The following PCDHGA3 variants were observed in gnomAD, a reference collection of about 807,000 sequenced individuals.
The protein encoded by PCDHGA3 is protocadherin gamma-A3.
A neutral mutation model predicts 58.5 loss-of-function variants in PCDHGA3; 40 were observed. The observed-to-expected ratio is 0.68, with a 90% CI of 0.53 to 0.89. PCDHGA3 has a LOEUF of 0.89. Among genes scored for constraint, PCDHGA3 ranks in the 40% least tolerant of loss-of-function variants. PCDHGA3 has a pLI of 0.00. For missense variants in PCDHGA3, 1,223 were observed against 1,195.9 expected (o/e 1.02, Z -0.33); for synonymous variants, 530 against 525.7 (o/e 1.01, Z -0.11).
At chr5:141,458,201 TAGTTTAAAATA>T (rs1175017515) in intron 1 of PCDHGA3, among the ~76,000 whole-genome samples, 1 of 152,168 alleles carries the variant, frequency 6.6e-6, no homozygotes, top group Non-Finnish European at 1.5e-5. Context: ...AGGCCATAAA[TAGTTTAAAATA>T]AGTTTCCTTT....
In PCDHGA3 at chr5:141,399,918, C is replaced by T. The variant is rs1163309827; in HGVS notation, c.2424+53461C>T. On this transcript the variant is annotated intron_variant, in intron 1 of 3. Coordinates refer to ENST00000253812, the MANE Select transcript of PCDHGA3 (RefSeq NM_018916.4). ...CCGTGGACGCAGACTCAGGACACAA[C>T]GCCTGGCTGTCCTACCACGTGCTGC... The T allele has an allele frequency of 4.3e-6, 7 of 1,612,240 alleles. No individual in the cohort carries two copies. In the East Asian group the frequency reaches 8.9e-5, roughly 21 times the overall value.
intron 1 of PCDHGA3, chr5:141,389,516 G>A: frequency 6.2e-7 from 1 of 1,613,168 alleles, no homozygotes; most frequent in Non-Finnish European, 8.5e-7. Context: ...GCGCGAACGT[G>A]AGCCTGCGCG....
At chr5:141,402,037 G>A (rs749684542) in intron 1 of PCDHGA3, among the ~76,000 whole-genome samples, 24 of 152,118 alleles carry the variant, frequency 1.6e-4, no homozygotes, top group Non-Finnish European at 2.9e-4. Flanking sequence ...CACAGTCTGT[G>A]CATGCATTAC....
Position 141,476,144 on chromosome 5 carries a change from C to T in PCDHGA3, c.2425-18663C>T. ...GGTCCCAGAGGCCTGGAGGAGCGGA[C>T]TGGTAAGCACCGGGAGGGTAGTGGG... is the stretch of plus-strand genomic sequence containing the variant. On this transcript the variant is annotated intron_variant, in intron 1 of 3. Transcript: ENST00000253812. This position sits in a 1 kb window ranked among gnomAD's most constrained non-coding sequence, Gnocchi z 7.6. 6.2e-7 allele frequency: 1 copy of T among 1,610,510 alleles called. No individual in the cohort carries two copies. The highest frequency in any genetic ancestry group is 1.3e-5 in the African/African-American group (1 of 75,014).
chr5:141,418,372 A>T (rs771262387), intron 1 of PCDHGA3: 25 of 1,613,968 alleles, frequency 1.5e-5, no homozygotes, highest in Non-Finnish European at 2.1e-5. Flanking sequence ...GCAAATACCA[A>T]CTAAGTCCTA....
At chr5:141,421,841 AAG>A in intron 1 of PCDHGA3, 1 of 1,613,750 alleles carries the variant, frequency 6.2e-7, no homozygotes. Context: ...GACCGAGAGA[AAG>A]AGGCTGCTCA....
rs777566456 is a variant in PCDHGA3, at chr5:141,405,216, A to G, written c.2424+58759A>G. On this transcript the variant is annotated intron_variant, in intron 1 of 3. Coordinates refer to ENST00000253812, the MANE Select transcript of PCDHGA3 (RefSeq NM_018916.4). ...CGAGCTTTCCTACAGACCTATTCTCAGGAGTTCTCCCTCACCGCTGACTCA... is the reference window on the plus strand; with the variant it reads ...CGAGCTTTCCTACAGACCTATTCTCGGGAGTTCTCCCTCACCGCTGACTCA... 27 of 1,613,806 alleles carry G rather than the reference A, an allele frequency of 1.7e-5. No individual in the cohort carries two copies. In the Admixed American group the frequency reaches 2.7e-4, roughly 16 times the overall value.
chr5:141,368,807 G>A (rs1237062065), intron 1 of PCDHGA3, among the ~76,000 whole-genome samples: 1 of 152,082 alleles, frequency 6.6e-6, no homozygotes, highest in Admixed American at 6.5e-5. Context: ...ACTAATTGAA[G>A]TGTTCATACA....
intron 1 of PCDHGA3, chr5:141,362,328 C>A: frequency 6.2e-7 from 1 of 1,614,068 alleles, no homozygotes; most frequent in Non-Finnish European, 8.5e-7. Context: ...AGCCTGGTCT[C>A]AGCTCCAAGC....
intron 1 of PCDHGA3, chr5:141,427,206 G>C (rs1224325038): frequency 1.1e-5 from 5 of 456,606 alleles, no homozygotes; most frequent in Admixed American, 2.3e-5. Context: ...AATAGACTTC[G>C]AATTTCGTAG....
intron 1 of PCDHGA3, chr5:141,439,998 G>A (rs2098143949): frequency 6.5e-6 from 1 of 153,152 alleles, no homozygotes; most frequent in Non-Finnish European, 1.5e-5. Context: ...TTGGTGGTGG[G>A]AAACCTTGCC....
Position 141,431,067 on chromosome 5 carries a change from A to G in PCDHGA3, c.2425-63740A>G. The G allele has an allele frequency of 1.2e-6, 2 of 1,614,164 alleles. No homozygotes were observed. Among genetic ancestry groups the G allele is most frequent in the Non-Finnish European group, 1.7e-6 (2 of 1,179,976 alleles). Reference sequence around the variant, plus strand: ...CTCTGTATGGGGGCCATCAAGTGTCAATTAAATCTAGACATTCTGATGGAG... The same window carrying G: ...CTCTGTATGGGGGCCATCAAGTGTCGATTAAATCTAGACATTCTGATGGAG... On this transcript the variant is annotated intron_variant, in intron 1 of 3. Transcript: ENST00000253812. This position sits in a 1 kb window ranked among gnomAD's most constrained non-coding sequence, Gnocchi z 4.8.
chr5:141,392,542 A>C (rs2092551305), intron 1 of PCDHGA3: 1 of 323,320 alleles, frequency 3.1e-6, no homozygotes, highest in African/African-American at 2.1e-5. Flanking sequence ...ATTTAGAAGT[A>C]ATCTGTATCT....
intron 1 of PCDHGA3, chr5:141,421,949 C>T (rs749189262): frequency 6.2e-6 from 10 of 1,612,856 alleles, no homozygotes; most frequent in Non-Finnish European, 6.8e-6. Flanking sequence ...GATCACATCC[C>T]AATGTTTACA....
intron 1 of PCDHGA3, chr5:141,375,877 G>C (rs752155500): frequency 3.1e-6 from 5 of 1,613,794 alleles, no homozygotes; most frequent in South Asian, 1.1e-5. Flanking sequence ...ACAGAGACTC[G>C]GGCCAGAACG....
intron 1 of PCDHGA3, among the ~76,000 whole-genome samples, chr5:141,472,992 A>G (rs2099309983): frequency 6.6e-6 from 1 of 151,994 alleles, no homozygotes; most frequent in South Asian, 2.1e-4. Context: ...AAAAAAAAAA[A>G]AAAAAGAAAG....
chr5:141,390,500 C>G (rs2092162714), intron 1 of PCDHGA3: 3 of 614,492 alleles, frequency 4.9e-6, no homozygotes, highest in Non-Finnish European at 8.3e-6. Context: ...TTTAGCCAAG[C>G]TTAGATTTAT....
chr5:141,481,142 G>T (rs2099532501), intron 1 of PCDHGA3, among the ~76,000 whole-genome samples: 1 of 152,212 alleles, frequency 6.6e-6, no homozygotes, highest in Non-Finnish European at 1.5e-5. Context: ...GAAGTAAAGT[G>T]TTATTCTGGT....
intron 1 of PCDHGA3, among the ~76,000 whole-genome samples, chr5:141,437,886 C>A (rs763669578): frequency 6.6e-6 from 1 of 152,022 alleles, no homozygotes; most frequent in Non-Finnish European, 1.5e-5. Flanking sequence ...TACAGGCACA[C>A]GCCACCACAC....
Sources: allele counts gnomAD v4.1 joint callset (sites outside exome capture counted in the v4.1 genomes callset), GRCh38; gene constraint gnomAD v4.1.1; non-coding constraint Gnocchi (gnomAD v3.1); transcripts MANE v1.5; gene names NCBI Gene and HGNC (gene_info 2026-07-23, HGNC 2026-07-21).